PSMD3: variants seen among roughly 807,000 people sequenced by gnomAD.
PSMD3 encodes proteasome 26S subunit, non-ATPase 3.
A neutral mutation model predicts 62.8 loss-of-function variants in PSMD3; 5 were observed. The observed-to-expected ratio is 0.08, with a 90% CI of 0.04 to 0.17. The LOEUF is 0.17. Among genes scored for constraint, PSMD3 ranks in the 10% least tolerant of loss-of-function variants. The pLI is 1.00. For synonymous variants in PSMD3, 265 were observed against 283.9 expected (o/e 0.93, Z 0.67); for missense variants, 524 against 713.6 (o/e 0.73, Z 3.03).
chr17:39,997,699 A>AG lies in PSMD3; in HGVS notation c.*123dup. The stretch of plus-strand genomic sequence containing the variant: ...CACAGCTCATATGCTGCATTCGTGC[A>AG]GGGGGTGGGGGTGCTGGGAGCCAGC... On this transcript the variant is annotated 3_prime_UTR_variant, in exon 12 of 12. Coordinates refer to ENST00000264639, the MANE Select transcript of PSMD3 (RefSeq NM_002809.4). 8.1e-7 allele frequency: 1 copy of AG among 1,227,790 alleles called. No homozygotes were observed. Among genetic ancestry groups the AG allele is most frequent in the African/African-American group, 1.5e-5 (1 of 66,916 alleles). 76.1% of individuals were successfully genotyped at this position (1,227,790 alleles called of 1,614,324 possible).
chr17:39,988,620 G>A, intron 3 of PSMD3, 63 bp from the exon 4 acceptor site: 1 of 1,577,210 alleles, frequency 6.3e-7, no homozygotes, highest in Non-Finnish European at 8.7e-7. Flanking sequence ...TGGCTCAAAT[G>A]ACAACTCCAT....
At chr17:39,984,621 C>T in intron 2 of PSMD3, 137 bp downstream of exon 2, 2 of 759,004 alleles carry the variant, frequency 2.6e-6, no homozygotes, top group Non-Finnish European at 4.1e-6. Flanking sequence ...CATTTGAATA[C>T]TCATCTGCAC....
chr17:39,992,799 C>T (rs945208327), intron 6 of PSMD3, among the ~76,000 whole-genome samples: 1 of 152,032 alleles, frequency 6.6e-6, no homozygotes, highest in Non-Finnish European at 1.5e-5. Context: ...TCCCCTGGCT[C>T]CCTCCCCAAC....
chr17:39,996,838 T>A lies in PSMD3; in HGVS notation c.1477-492T>A. The stretch of plus-strand genomic sequence containing the variant: ...TAAGCACTGAGTTTGGCGCTGTTAC[T>A]ATTTGCTTGCCATGTTTTTTTCTGG... On this transcript the variant is annotated intron_variant, in intron 10 of 11. Coordinates refer to ENST00000264639, the MANE Select transcript of PSMD3 (RefSeq NM_002809.4). The surrounding 1 kb of genome is among the most constrained non-coding windows in gnomAD (Gnocchi z 5.1). 2.2e-6 allele frequency: 1 copy of A among 450,600 alleles called. No individual in the cohort carries two copies. The highest frequency in any genetic ancestry group is 2.5e-5 in the Admixed American group (1 of 39,858). 27.9% of individuals were successfully genotyped at this position (450,600 alleles called of 1,614,324 possible).
chr17:39,992,713 A>G (rs1456808928), intron 6 of PSMD3, among the ~76,000 whole-genome samples: 1 of 152,042 alleles, frequency 6.6e-6, no homozygotes, highest in Admixed American at 6.6e-5. Context: ...GCCTTGGCCC[A>G]TCACCTGTTT....
At chr17:39,985,616 T>C (rs1451693038) in intron 2 of PSMD3, among the ~76,000 whole-genome samples, 2 of 152,214 alleles carry the variant, frequency 1.3e-5, no homozygotes, top group Non-Finnish European at 2.9e-5. Flanking sequence ...GCTCCGTGGA[T>C]GGGGAAACTC....
At chr17:39,994,687 T>G (rs1427767240) in intron 6 of PSMD3, 1 of 486,914 alleles carries the variant, frequency 2.1e-6, no homozygotes, top group South Asian at 2.1e-5. Context: ...CAGAGCAGAC[T>G]ACGCGCGGGG....
At position 39,990,229 on chromosome 17, in the gene PSMD3, CTTTTTTTTTT is replaced by C. The variant is rs4065322; in HGVS notation, c.981+41_981+50del. The C allele has an allele frequency of 3.3e-5, 38 of 1,156,442 alleles. No individual in the cohort carries two copies. The East Asian group carries it at 9.6e-4, about 29-fold the overall frequency. The allele number at this position is 1,156,442 out of a possible 1,614,324, so 71.6% of individuals were successfully genotyped here. On this transcript the variant is annotated intron_variant, in intron 6 of 11. Coordinates refer to ENST00000264639, the MANE Select transcript of PSMD3 (RefSeq NM_002809.4). The stretch of plus-strand genomic sequence containing the variant: ...CACAACTACCATCATCCCTTTGCCT[CTTTTTTTTTT>C]TTTTTTTTAAATGGTGTCTTGCTAT...
At chr17:39,981,694 C>G (rs1260624213) in intron 1 of PSMD3, among the ~76,000 whole-genome samples, 2 of 152,192 alleles carry the variant, frequency 1.3e-5, no homozygotes, top group Non-Finnish European at 2.9e-5. Flanking sequence ...GACCTAGTAT[C>G]TTGTTTCCTA....
In PSMD3 at chr17:39,997,861, TC is replaced by T. The variant is rs1434969533; in HGVS notation, c.*282del. 9.9e-6 allele frequency: 5 copies of T among 503,334 alleles called. No homozygotes were observed. Among genetic ancestry groups the T allele is most frequent in the Non-Finnish European group, 1.8e-5 (5 of 277,324 alleles). 31.2% of individuals were successfully genotyped at this position (503,334 alleles called of 1,614,324 possible). On this transcript the variant is annotated 3_prime_UTR_variant, in exon 12 of 12. Coordinates refer to ENST00000264639, the MANE Select transcript of PSMD3 (RefSeq NM_002809.4). ...GGAGGGGAAGGATAGTTCTGTGTACTCCTTTAGGGAGTGGGGGACTAGAACT... is the reference window on the plus strand; with the variant it reads ...GGAGGGGAAGGATAGTTCTGTGTACTCTTTAGGGAGTGGGGGACTAGAACT...
Position 39,996,931 on chromosome 17 carries a change from A to G in PSMD3, c.1477-399A>G. On this transcript the variant is annotated intron_variant, in intron 10 of 11. Coordinates refer to ENST00000264639, the MANE Select transcript of PSMD3 (RefSeq NM_002809.4). This position sits in a 1 kb window ranked among gnomAD's most constrained non-coding sequence, Gnocchi z 5.1. ...CTGGCTAAGCCCTACTCCACGTGAC[A>G]TGCAAGGCCCTTTGTGACCTGGTCC... 2.5e-6 allele frequency: 1 copy of G among 399,374 alleles called. No homozygotes were observed. The highest frequency in any genetic ancestry group is 4.8e-6 in the Non-Finnish European group (1 of 208,116). The allele number at this position is 399,374 out of a possible 1,614,324, so 24.7% of individuals were successfully genotyped here. A position where few individuals can be genotyped will look rare whatever the true frequency, so the allele number is the denominator to read the frequency against.
At chr17:39,985,200 C>G (rs991836792) in intron 2 of PSMD3, among the ~76,000 whole-genome samples, 1 of 152,112 alleles carries the variant, frequency 6.6e-6, no homozygotes, top group Non-Finnish European at 1.5e-5. Context: ...TGCACTCTAG[C>G]CTAGGTGACA....
At chr17:39,982,555 T>C (rs1275075178) in intron 1 of PSMD3, among the ~76,000 whole-genome samples, 1 of 152,272 alleles carries the variant, frequency 6.6e-6, no homozygotes, top group Non-Finnish European at 1.5e-5. Flanking sequence ...ATTTATTGAA[T>C]ACCCAATATA....
At chr17:39,983,449 T>C (rs1292884772) in intron 1 of PSMD3, among the ~76,000 whole-genome samples, 2 of 152,242 alleles carry the variant, frequency 1.3e-5, no homozygotes, top group African/African-American at 2.4e-5. Flanking sequence ...TGTATGTTAG[T>C]TCGTCTCCAT....
chr17:39,990,263 A>G lies in PSMD3; in HGVS notation c.981+66A>G, dbSNP rs556609881. The G allele has an allele frequency of 8.1e-5, 107 of 1,324,546 alleles. No individual in the cohort carries two copies. In the East Asian group the frequency reaches 2.4e-3, roughly 29 times the overall value. The allele number at this position is 1,324,546 out of a possible 1,614,324, so 82.0% of individuals were successfully genotyped here. A position where few individuals can be genotyped will look rare whatever the true frequency, so the allele number is the denominator to read the frequency against. On this transcript the variant is annotated intron_variant, in intron 6 of 11. Coordinates refer to ENST00000264639, the MANE Select transcript of PSMD3 (RefSeq NM_002809.4). ...TTTTTTTTTTAAATGGTGTCTTGCT[A>G]TGTTACCTGGGCTGGTCTTGAACTC...
At chr17:39,983,069 G>C (rs1453421674) in intron 1 of PSMD3, among the ~76,000 whole-genome samples, 1 of 150,164 alleles carries the variant, frequency 6.7e-6, no homozygotes, top group Non-Finnish European at 1.5e-5. Context: ...GTCTCGCTCT[G>C]TTGCCCAGGC....
chr17:39,984,151 G>T lies in PSMD3; in HGVS notation c.221-143G>T, dbSNP rs561656553. 24 of 686,130 alleles carry T rather than the reference G, an allele frequency of 3.5e-5. 1 individual carries two copies. The East Asian group carries it at 7.1e-4, about 20-fold the overall frequency. The allele number at this position is 686,130 out of a possible 1,614,324, so 42.5% of individuals were successfully genotyped here. On this transcript the variant is annotated intron_variant, in intron 1 of 11. Transcript: ENST00000264639. The stretch of plus-strand genomic sequence containing the variant: ...GCAGGCAGAGCTTGCAGTGAGCCGA[G>T]ATCACACCACTGCACTCCGGCCTGG...
chr17:39,987,492 A>G (rs1227899369), intron 3 of PSMD3, among the ~76,000 whole-genome samples: 1 of 152,172 alleles, frequency 6.6e-6, no homozygotes, highest in Non-Finnish European at 1.5e-5. Flanking sequence ...GACTACAGGC[A>G]TGTGCCACCA....
Position 39,989,905 on chromosome 17 carries a change from T to C in PSMD3, c.853T>C (p.Trp285Arg). Residue 285 changes from tryptophan to arginine, a missense_variant, in exon 5 of 12, where the codon TGG becomes CGG. Physicochemically the swap from Trp to Arg is moderately radical, Grantham distance 101. Coordinates refer to ENST00000264639, the MANE Select transcript of PSMD3 (RefSeq NM_002809.4). The stretch of plus-strand genomic sequence containing the variant: ...CCCAGAGCAGGCCAACAACAATGAG[T>C]GGGCCAGGTACCTCTACTACACAGG... Reference protein sequence around the residue: ...VFPEQANNNEWARYLYYTGRI... With the variant: ...VFPEQANNNERARYLYYTGRI... 1 of 1,613,762 alleles carries C rather than the reference T, an allele frequency of 6.2e-7. No individual in the cohort carries two copies.
Sources: allele counts gnomAD v4.1 joint callset (sites outside exome capture counted in the v4.1 genomes callset), GRCh38; gene constraint gnomAD v4.1.1; non-coding constraint Gnocchi (gnomAD v3.1); transcripts MANE v1.5; gene names NCBI Gene and HGNC (gene_info 2026-07-23, HGNC 2026-07-21).